Variants in OR2C1 observed in about 807,000 individuals in gnomAD.
OR2C1 encodes the protein olfactory receptor family 2 subfamily C member 1.
For synonymous variants in OR2C1, 209 were observed against 167.3 expected (o/e 1.25, Z -1.92); for missense variants, 468 against 388.3 (o/e 1.21, Z -1.73).
chr16:3,349,991 G>A, the OR2C1 span, among the ~76,000 whole-genome samples: 1 of 151,876 alleles, frequency 6.6e-6, no homozygotes, highest in Non-Finnish European at 1.5e-5. Context: ...TTTATACAGA[G>A]GTCTGTGACC....
chr16:3,333,210 C>CTTTTTTTTTTT, the OR2C1 span, among the ~76,000 whole-genome samples: 24 of 33,046 alleles, frequency 7.3e-4, 8 homozygotes, highest in Middle Eastern at 0.029. Flanking sequence ...ATCTTTTGCC[C>CTTTTTTTTTTT]ATTTTTTTTT....
At chr16:3,354,069 C>T (rs67547123), upstream of OR2C1, among the ~76,000 whole-genome samples, 4 of 150,836 alleles carry the variant, frequency 2.7e-5, no homozygotes, top group Admixed American at 1.3e-4. Context: ...CTGCAACTTC[C>T]GCCTCCCTGT....
rs2030682117 is a variant in OR2C1, at chr16:3,356,603, TG to T, written c.664del (p.Ala222LeufsTer5). 1 of 1,614,076 alleles carries T rather than the reference TG, an allele frequency of 6.2e-7. No individual in the cohort carries two copies. The highest frequency in any genetic ancestry group is 8.5e-7 in the Non-Finnish European group (1 of 1,180,046). ...SIIVISYCLI[A>X]QAVLKIRSAE... ...TCATCGTGATCTCCTACTGCCTCAT[TG>T]CTCAGGCAGTGCTGAAAATCCGCTC... is the stretch of plus-strand genomic sequence containing the variant. On this transcript the variant is annotated frameshift_variant, in exon 1 of 1. Coordinates refer to ENST00000304936, the MANE Select transcript of OR2C1 (RefSeq NM_012368.3). LOFTEE classifies it low-confidence loss of function (END_TRUNC).
the OR2C1 span, among the ~76,000 whole-genome samples, chr16:3,325,180 C>A: frequency 6.6e-6 from 1 of 151,888 alleles, no homozygotes; most frequent in Non-Finnish European, 1.5e-5. Flanking sequence ...TGGGGTTTCA[C>A]CATGTTGGCC....
the OR2C1 span, among the ~76,000 whole-genome samples, chr16:3,326,260 G>A: frequency 1.3e-5 from 2 of 151,944 alleles, no homozygotes; most frequent in African/African-American, 4.8e-5. Flanking sequence ...AGCCTGGGAC[G>A]CCGAGAACAA....
At chr16:3,324,754 TAC>T in the OR2C1 span, among the ~76,000 whole-genome samples, 1 of 151,674 alleles carries the variant, frequency 6.6e-6, no homozygotes. Flanking sequence ...ACCTAGCTCC[TAC>T]ACACACACAC....
upstream of OR2C1, among the ~76,000 whole-genome samples, chr16:3,352,671 C>G (rs777884754): frequency 1.3e-5 from 2 of 151,676 alleles, no homozygotes; most frequent in Non-Finnish European, 2.9e-5. Flanking sequence ...TGTCTAATAC[C>G]AGCCCCCCAC....
the OR2C1 span, among the ~76,000 whole-genome samples, chr16:3,330,392 AGATGT>A: frequency 6.6e-6 from 1 of 152,176 alleles, no homozygotes; most frequent in Admixed American, 6.5e-5. Flanking sequence ...CTGGGATTAC[AGATGT>A]GAGCCACCAT....
the OR2C1 span, among the ~76,000 whole-genome samples, chr16:3,333,341 A>G: frequency 6.8e-6 from 1 of 146,226 alleles, no homozygotes; most frequent in Non-Finnish European, 1.5e-5. Context: ...ATTTTATTTT[A>G]GTTTAGTTTA....
At chr16:3,323,513 A>C in the OR2C1 span, 3 of 743,754 alleles carry the variant, frequency 4.0e-6, no homozygotes, top group African/African-American at 3.4e-5. Flanking sequence ...TCCCCAGATC[A>C]CATAAGGTTC....
rs201906964 is a variant in OR2C1, at chr16:3,356,305, G to A, written c.365G>A (p.Arg122His). Residue 122 changes from arginine (R) to histidine (H), a missense_variant, in exon 1 of 1, where the codon CGC (arginine) becomes CAC (histidine). Arg to His is a conservative substitution (Grantham distance 29). Coordinates refer to ENST00000304936, the MANE Select transcript of OR2C1 (RefSeq NM_012368.3). ...CTGCTGGTGGTGATGGCATTTGACC[G>A]CTACGTGGCAGTGTGCCGGCCCCTC... ...CILLVVMAFD[R>H]YVAVCRPLRY... 45 of 1,613,348 alleles carry A rather than the reference G, an allele frequency of 2.8e-5. No homozygotes were observed. Among genetic ancestry groups the A allele is most frequent in the African/African-American group, 1.7e-4 (13 of 75,068 alleles).
upstream of OR2C1, among the ~76,000 whole-genome samples, chr16:3,353,686 A>G (rs1485890309): frequency 1.3e-5 from 2 of 151,666 alleles, no homozygotes; most frequent in African/African-American, 4.8e-5. Context: ...CTGTAATCCC[A>G]GCTACTTGGT....
the OR2C1 span, among the ~76,000 whole-genome samples, chr16:3,344,851 A>T: frequency 2.6e-5 from 4 of 152,242 alleles, no homozygotes; most frequent in African/African-American, 9.6e-5. Context: ...CTGTTGGTGC[A>T]TCTGGGTATA....
the OR2C1 span, among the ~76,000 whole-genome samples, chr16:3,338,657 C>T: frequency 1.7e-3 from 252 of 151,276 alleles, no homozygotes; most frequent in Non-Finnish European, 2.8e-3. Context: ...CCTTCCTCAC[C>T]CTCCCAAGTA....
chr16:3,345,355 G>A, the OR2C1 span, among the ~76,000 whole-genome samples: 5 of 151,710 alleles, frequency 3.3e-5, no homozygotes, highest in Non-Finnish European at 7.4e-5. Flanking sequence ...GCGTGATGGC[G>A]GGCACCTGTA....
the OR2C1 span, among the ~76,000 whole-genome samples, chr16:3,332,545 C>T: frequency 6.6e-6 from 1 of 152,072 alleles, no homozygotes; most frequent in Non-Finnish European, 1.5e-5. Flanking sequence ...TGCTAACCTT[C>T]TCAGGCTTCA....
chr16:3,338,482 C>G, the OR2C1 span, among the ~76,000 whole-genome samples: 1 of 144,304 alleles, frequency 6.9e-6, no homozygotes, highest in Non-Finnish European at 1.5e-5. Flanking sequence ...ATATGGAATT[C>G]TGATTCTCTT....
At chr16:3,328,070 T>C in the OR2C1 span, among the ~76,000 whole-genome samples, 1 of 152,214 alleles carries the variant, frequency 6.6e-6, no homozygotes, top group Non-Finnish European at 1.5e-5. Flanking sequence ...TAATGAGGAA[T>C]TTTCTCTCCT....
At chr16:3,346,156 C>G in the OR2C1 span, among the ~76,000 whole-genome samples, 1 of 151,986 alleles carries the variant, frequency 6.6e-6, no homozygotes, top group Non-Finnish European at 1.5e-5. Flanking sequence ...ATAACATTTA[C>G]CATCACTTGA....
Sources: gnomAD v4.1 joint callset for allele counts (sites outside exome capture counted in the v4.1 genomes callset) on GRCh38, gnomAD v4.1.1 for gene constraint, MANE v1.5 for transcripts, NCBI Gene and HGNC (gene_info 2026-07-23, HGNC 2026-07-21) for gene names.